The following SNTG1 variants were observed in gnomAD, a reference collection of about 807,000 sequenced individuals.
The protein encoded by SNTG1 is gamma-1-syntrophin.
In SNTG1, 39 loss-of-function variants were observed where a neutral mutation model predicts 74.7. That is an observed-to-expected ratio of 0.52 (90% CI 0.40 to 0.68). The LOEUF (loss-of-function observed/expected upper bound fraction) is 0.68. Among genes scored for constraint, SNTG1 ranks in the 30% least tolerant of loss-of-function variants. The probability of loss-of-function intolerance (pLI) is 0.00; values close to 1 mark genes in which losing one functional copy is unlikely to be tolerated. For missense variants in SNTG1, 685 were observed against 609.5 expected, an observed-to-expected ratio of 1.12 and a Z score of -1.30; for synonymous variants, 254 against 217.1, an observed-to-expected ratio of 1.17 and a Z score of -1.49.
intron 2 of SNTG1, among the ~76,000 whole-genome samples, chr8:50,204,653 T>C (rs1197340632): frequency 1.3e-5 from 2 of 152,116 alleles, no homozygotes; most frequent in African/African-American, 2.4e-5. Flanking sequence ...ATGTGCCATA[T>C]TGGTGTGCTG....
chr8:50,019,499 T>C (rs1424376781), intron 1 of SNTG1, among the ~76,000 whole-genome samples: 2 of 152,130 alleles, frequency 1.3e-5, no homozygotes, highest in East Asian at 1.9e-4. Context: ...TCTCTTAGTT[T>C]ATCTTGCTTT....
intron 2 of SNTG1, among the ~76,000 whole-genome samples, chr8:50,203,092 A>AT (rs1293208744): frequency 6.6e-6 from 1 of 151,066 alleles, no homozygotes; most frequent in Non-Finnish European, 1.5e-5. Flanking sequence ...TTCATTATAT[A>AT]TTTTTTGCTT....
At chr8:50,511,056 G>A (rs2094068112) in intron 9 of SNTG1, among the ~76,000 whole-genome samples, 4 of 152,244 alleles carry the variant, frequency 2.6e-5, no homozygotes. Flanking sequence ...GGCATTTAGT[G>A]CTATAAATTT....
intron 1 of SNTG1, among the ~76,000 whole-genome samples, chr8:49,982,422 T>G (rs980726826): frequency 7.9e-5 from 12 of 152,114 alleles, no homozygotes; most frequent in African/African-American, 2.9e-4. Flanking sequence ...AGAATTCTGA[T>G]AGCTAATTTT....
At chr8:50,667,670 A>G (rs2095257279) in intron 15 of SNTG1, among the ~76,000 whole-genome samples, 1 of 152,062 alleles carries the variant, frequency 6.6e-6, no homozygotes, top group African/African-American at 2.4e-5. Flanking sequence ...AACACATACA[A>G]TTTTGGAGAC....
chr8:50,781,145 A>T (rs1006079836), intron 18 of SNTG1, among the ~76,000 whole-genome samples: 1 of 152,146 alleles, frequency 6.6e-6, no homozygotes, highest in Non-Finnish European at 1.5e-5. Context: ...ATTTAGGAAT[A>T]GGTGTTGTAT....
At chr8:50,117,140 G>A (rs2080850513) in intron 1 of SNTG1, among the ~76,000 whole-genome samples, 1 of 151,754 alleles carries the variant, frequency 6.6e-6, no homozygotes, top group South Asian at 2.1e-4. Context: ...GCTTGAAAAA[G>A]TTCTAATCAC....
intron 2 of SNTG1, among the ~76,000 whole-genome samples, chr8:50,309,193 AT>A (rs2090014037): frequency 2.0e-5 from 3 of 152,184 alleles, no homozygotes; most frequent in African/African-American, 7.2e-5. Flanking sequence ...ATTGTTATAT[AT>A]TTGAAAGGGC....
At chr8:50,133,058 C>T (rs572407233) in intron 1 of SNTG1, among the ~76,000 whole-genome samples, 1 of 152,270 alleles carries the variant, frequency 6.6e-6, no homozygotes, top group South Asian at 2.1e-4. Flanking sequence ...GTTAATTCCT[C>T]ACTTTATCTC....
chr8:50,498,310 T>G (rs1173157645), intron 8 of SNTG1, among the ~76,000 whole-genome samples: 1 of 151,886 alleles, frequency 6.6e-6, no homozygotes, highest in Non-Finnish European at 1.5e-5. Flanking sequence ...TTCAGAAGAT[T>G]TATAGTGGTA....
intron 1 of SNTG1, among the ~76,000 whole-genome samples, chr8:49,920,405 T>TC (rs1452958766): frequency 6.6e-6 from 1 of 152,082 alleles, no homozygotes; most frequent in African/African-American, 2.4e-5. Flanking sequence ...TAAATGCTTC[T>TC]CTATAGATTA....
At chr8:50,446,097 CA>C (rs1206701914) in intron 5 of SNTG1, among the ~76,000 whole-genome samples, 1 of 152,108 alleles carries the variant, frequency 6.6e-6, no homozygotes, top group Non-Finnish European at 1.5e-5. Flanking sequence ...TAAAGGTTCT[CA>C]TTATTATTCA....
chr8:50,346,107 C>T (rs2091468279), intron 2 of SNTG1, among the ~76,000 whole-genome samples: 5 of 152,148 alleles, frequency 3.3e-5, no homozygotes, highest in Admixed American at 3.3e-4. Context: ...CTATGACTTA[C>T]AGGCATACGT....
chr8:49,926,049 C>A (rs1806995700), intron 1 of SNTG1, among the ~76,000 whole-genome samples: 1 of 152,086 alleles, frequency 6.6e-6, no homozygotes, highest in Non-Finnish European at 1.5e-5. Context: ...AAGTTTTAAA[C>A]TCTGGTTTTC....
chr8:50,663,458 C>T (rs893924162), intron 15 of SNTG1, among the ~76,000 whole-genome samples: 9 of 152,108 alleles, frequency 5.9e-5, no homozygotes, highest in Middle Eastern at 3.4e-3. Context: ...GCATGGACAG[C>T]GGGCTAGGAG....
intron 8 of SNTG1, among the ~76,000 whole-genome samples, chr8:50,456,261 C>G (rs992121666): frequency 3.3e-5 from 5 of 152,144 alleles, no homozygotes; most frequent in African/African-American, 1.2e-4. Context: ...TATTTGTCCT[C>G]TTATTTTTTG....
intron 2 of SNTG1, among the ~76,000 whole-genome samples, chr8:50,358,095 C>T (rs1476179026): frequency 6.6e-6 from 1 of 152,112 alleles, no homozygotes; most frequent in Non-Finnish European, 1.5e-5. Context: ...TTGTGTCCCA[C>T]CATGTGGCAG....
chr8:50,430,555 G>C (rs1370289607), intron 4 of SNTG1, among the ~76,000 whole-genome samples: 1 of 152,166 alleles, frequency 6.6e-6, no homozygotes, highest in Non-Finnish European at 1.5e-5. Context: ...TTTATGCAAA[G>C]TAGCCCCCAC....
At chr8:50,303,279 A>T (rs2089731349) in intron 2 of SNTG1, among the ~76,000 whole-genome samples, 1 of 152,132 alleles carries the variant, frequency 6.6e-6, no homozygotes, top group Non-Finnish European at 1.5e-5. Flanking sequence ...TAATCACAAC[A>T]TTAAATTAGT....
Sources: gnomAD v4.1 joint callset for allele counts (sites outside exome capture counted in the v4.1 genomes callset) on GRCh38, gnomAD v4.1.1 for gene constraint, MANE v1.5 for transcripts, NCBI Gene and HGNC (gene_info 2026-07-23, HGNC 2026-07-21) for gene names.